The following MARCHF4 variants were observed in gnomAD, a reference collection of about 807,000 sequenced individuals.
MARCHF4 encodes membrane associated ring-CH-type finger 4.
In MARCHF4, 14 loss-of-function variants were observed where a neutral mutation model predicts 43.9. That is an observed-to-expected ratio of 0.32 (90% CI 0.21 to 0.50). MARCHF4 has a LOEUF of 0.50. Among genes scored for constraint, MARCHF4 ranks in the 20% least tolerant of loss-of-function variants. MARCHF4 has a pLI of 0.98. For missense variants in MARCHF4, 468 were observed against 536.7 expected (o/e 0.87, Z 1.27); for synonymous variants, 226 against 213.3 (o/e 1.06, Z -0.52).
At chr2:216,294,949 A>G (rs1691365351) in intron 1 of MARCHF4, among the ~76,000 whole-genome samples, 1 of 152,194 alleles carries the variant, frequency 6.6e-6, no homozygotes, top group South Asian at 2.1e-4. Flanking sequence ...CAAGGTACTT[A>G]CCTACTCCAA....
intron 3 of MARCHF4, chr2:216,266,084 G>A (rs566686207): frequency 2.3e-4 from 35 of 152,238 alleles, no homozygotes; most frequent in African/African-American, 6.7e-4. Context: ...GGGAAGAAAC[G>A]GAAGAAATAA....
intron 1 of MARCHF4, among the ~76,000 whole-genome samples, chr2:216,354,984 T>TTTC (rs1692477319): frequency 2.2e-5 from 3 of 138,468 alleles, no homozygotes; most frequent in Non-Finnish European, 3.1e-5. Context: ...TCTTTCTTTC[T>TTTC]TTTTTGAGAC....
Position 216,362,659 on chromosome 2 carries a change from G to C in MARCHF4, c.516+7086C>G, listed in dbSNP as rs1692603014. On this transcript the variant is annotated intron_variant, in intron 1 of 3. Coordinates refer to ENST00000273067, the MANE Select transcript of MARCHF4 (RefSeq NM_020814.3). Reference sequence around the variant, plus strand: ...CATTCTTGGATTACAGAGTTGGATAGAACCTATATTTGGAAACTCCCCCCT... The same window carrying C: ...CATTCTTGGATTACAGAGTTGGATACAACCTATATTTGGAAACTCCCCCCT... 3.9e-5 allele frequency among the ~76,000 whole-genome samples: 6 copies of C among 152,254 alleles called. 2 individuals are homozygous for C. The South Asian group carries it at 1.2e-3, about 32-fold the overall frequency.
chr2:216,347,098 C>T (rs981562606), intron 1 of MARCHF4, among the ~76,000 whole-genome samples: 37 of 152,208 alleles, frequency 2.4e-4, no homozygotes, highest in African/African-American at 8.4e-4. Context: ...TCCTCAGCCA[C>T]GTTTCCTGCA....
chr2:216,318,690 A>C (rs1691824376), intron 1 of MARCHF4, among the ~76,000 whole-genome samples: 1 of 152,148 alleles, frequency 6.6e-6, no homozygotes, highest in Non-Finnish European at 1.5e-5. Context: ...TGAGAATGGC[A>C]GGAAATGAAA....
At chr2:216,287,960 G>C (rs1244600904) in intron 1 of MARCHF4, among the ~76,000 whole-genome samples, 1 of 151,962 alleles carries the variant, frequency 6.6e-6, no homozygotes, top group Non-Finnish European at 1.5e-5. Flanking sequence ...GTAATTGTAA[G>C]GATTTTTTTT....
At chr2:216,275,118 C>G (rs2105936700) in intron 3 of MARCHF4, among the ~76,000 whole-genome samples, 1 of 152,312 alleles carries the variant, frequency 6.6e-6, no homozygotes. Context: ...ACAATGAAAA[C>G]TCTCAATATT....
intron 1 of MARCHF4, among the ~76,000 whole-genome samples, chr2:216,361,052 T>A (rs1173357712): frequency 6.6e-6 from 1 of 151,972 alleles, no homozygotes; most frequent in African/African-American, 2.4e-5. Context: ...AATTTTGCTG[T>A]GAACCTAAAG....
At chr2:216,282,094 G>C (rs981536827) in intron 2 of MARCHF4, among the ~76,000 whole-genome samples, 1 of 152,146 alleles carries the variant, frequency 6.6e-6, no homozygotes, top group Non-Finnish European at 1.5e-5. Context: ...AGAGGACGTG[G>C]AGTCAGCTGT....
chr2:216,335,859 G>A (rs1217893835), intron 1 of MARCHF4, among the ~76,000 whole-genome samples: 7 of 152,056 alleles, frequency 4.6e-5, no homozygotes, highest in Non-Finnish European at 8.8e-5. Context: ...CTTGAGGTCA[G>A]GAGTTCAAGA....
chr2:216,317,215 G>C (rs1691791992), intron 1 of MARCHF4, among the ~76,000 whole-genome samples: 1 of 152,148 alleles, frequency 6.6e-6, no homozygotes, highest in Non-Finnish European at 1.5e-5. Context: ...CAGAGCCATT[G>C]GTTGGTAGTG....
At chr2:216,364,551 C>T (rs1692636047) in intron 1 of MARCHF4, among the ~76,000 whole-genome samples, 1 of 152,230 alleles carries the variant, frequency 6.6e-6, no homozygotes, top group Non-Finnish European at 1.5e-5. Context: ...TTACCCAGAA[C>T]CCTGGAATTC....
chr2:216,366,946 G>T (rs1023238567), intron 1 of MARCHF4, among the ~76,000 whole-genome samples: 1 of 152,274 alleles, frequency 6.6e-6, no homozygotes, highest in Admixed American at 6.5e-5. Flanking sequence ...TTAAATAAAC[G>T]CATGCACCAA....
At position 216,259,550 on chromosome 2, in the gene MARCHF4, G is replaced by A. The variant is rs1236266914; in HGVS notation, c.995C>T (p.Thr332Ile). 1.2e-6 allele frequency: 2 copies of A among 1,614,068 alleles called. No homozygotes were observed. Among genetic ancestry groups the A allele is most frequent in the Admixed American group, 1.7e-5 (1 of 60,000 alleles). The change falls in exon 4 of 4, where the codon ACC becomes ATC. Residue 332 changes from threonine to isoleucine, a missense_variant. By Grantham distance (89) the Thr-to-Ile change is moderately conservative (BLOSUM62 -1). Around this residue, in one of 3 missense-constraint regions of MARCHF4, gnomAD observed 120 missense variants for 127.1 expected, o/e 0.94. Transcript: ENST00000273067. ...DLEDQKAGGR[T>I]NPRTSSSTQA... Reference sequence around the variant, plus strand: ...GGTGGATGAGGAGGTCCGGGGGTTGGTCCTGCCTCCTGCCTTTTGATCCTC... The same window carrying A: ...GGTGGATGAGGAGGTCCGGGGGTTGATCCTGCCTCCTGCCTTTTGATCCTC...
intron 1 of MARCHF4, among the ~76,000 whole-genome samples, chr2:216,314,495 T>G (rs1331194957): frequency 1.3e-5 from 2 of 152,164 alleles, no homozygotes; most frequent in African/African-American, 4.8e-5. Context: ...AGCTAATTTT[T>G]GTATTTTTGT....
chr2:216,366,218 C>T (rs569140447), intron 1 of MARCHF4, among the ~76,000 whole-genome samples: 14 of 152,288 alleles, frequency 9.2e-5, no homozygotes, highest in Admixed American at 2.6e-4. Flanking sequence ...AATGAGGAAT[C>T]CAAGACACAG....
intron 1 of MARCHF4, among the ~76,000 whole-genome samples, chr2:216,340,704 C>T (rs1692223583): frequency 6.6e-6 from 1 of 152,186 alleles, no homozygotes; most frequent in African/African-American, 2.4e-5. Flanking sequence ...AGGATGAGCT[C>T]CTGGCTGTAG....
rs112786231 is a variant in MARCHF4 at position 216,265,503 on chromosome 2, CT to C, written c.866-5825del. Reference sequence around the variant, plus strand: ...ACACTCTAGAACAGTGCTTTTTACACTTTTTTTTTTTTGACAGGGTCTCTCT... The same window carrying C: ...ACACTCTAGAACAGTGCTTTTTACACTTTTTTTTTTTGACAGGGTCTCTCT... On this transcript the variant is annotated intron_variant, in intron 3 of 3. Coordinates refer to ENST00000273067, the MANE Select transcript of MARCHF4 (RefSeq NM_020814.3). The C allele has an allele frequency of 2.9e-3, 423 of 146,548 alleles. 3 individuals carry two copies. The highest frequency in any genetic ancestry group is 8.0e-3 in the African/African-American group (321 of 40,212). The allele number at this position is 146,548 out of a possible 1,614,324, so 9.1% of individuals were successfully genotyped here. A position where few individuals can be genotyped will look rare whatever the true frequency, so the allele number is the denominator to read the frequency against.
intron 2 of MARCHF4, among the ~76,000 whole-genome samples, chr2:216,280,083 C>T (rs1017852178): frequency 6.6e-6 from 1 of 152,070 alleles, no homozygotes; most frequent in African/African-American, 2.4e-5. Flanking sequence ...CAGTGTGAAG[C>T]GTGACGAAGG....
Sources: gnomAD v4.1 joint callset for allele counts (sites outside exome capture counted in the v4.1 genomes callset) on GRCh38, gnomAD v4.1.1 for gene constraint, gnomAD v4.1.1 regional missense constraint, MANE v1.5 for transcripts, NCBI Gene and HGNC (gene_info 2026-07-23, HGNC 2026-07-21) for gene names.